CLCN7: variants seen among roughly 807,000 people sequenced by gnomAD.
CLCN7 encodes Cl-/H+ antiporter 7.
Under a neutral mutation model 102.1 loss-of-function variants are expected in CLCN7, and 60 were observed. The ratio of observed to expected loss-of-function variants is 0.59; its 90% CI spans 0.48 to 0.73. The LOEUF is 0.73. Among genes scored for constraint, CLCN7 ranks in the 30% least tolerant of loss-of-function variants. CLCN7 has a pLI of 0.00. For synonymous variants in CLCN7, 560 were observed against 490.5 expected, an observed-to-expected ratio of 1.14 and a Z score of -1.87; for missense variants, 962 against 1,125.7, an observed-to-expected ratio of 0.85 and a Z score of 2.08.
intron 19 of CLCN7, 44 bp downstream of exon 19, chr16:1,448,922 C>A: frequency 6.2e-7 from 1 of 1,609,720 alleles, no homozygotes; most frequent in Non-Finnish European, 8.5e-7. Flanking sequence ...TCCCCTATGG[C>A]AGCACCCACG....
chr16:1,448,290 G>C, intron 21 of CLCN7, 65 bp downstream of exon 21: 1 of 1,597,856 alleles, frequency 6.3e-7, no homozygotes, highest in Non-Finnish European at 8.6e-7. Context: ...CTTGCCGTGT[G>C]CTTCCCACCA....
Position 1,455,776 on chromosome 16 carries a change from C to T in CLCN7, c.936G>A (p.Leu312=). 6.2e-7 allele frequency: 1 copy of T among 1,613,670 alleles called. No individual in the cohort carries two copies. Among genetic ancestry groups the T allele is most frequent in the Non-Finnish European group, 8.5e-7 (1 of 1,180,022 alleles). ...GGTTCCAGAAGGACGCACCCTCCTC[C>T]AAGCTGAACAGGACCCCACCTGGAA... is the stretch of plus-strand genomic sequence containing the variant. ...GAPVGGVLFS[L]EEGASFWNQF... The change falls in exon 11 of 25, where the codon TTG becomes TTA. Residue 312 remains leucine (L), a synonymous_variant. Coordinates refer to ENST00000382745, the MANE Select transcript of CLCN7 (RefSeq NM_001287.6).
In CLCN7 at chr16:1,460,498, G is replaced by C. The variant is rs1567272107; in HGVS notation, c.514C>G (p.Leu172Val). 1 of 1,613,724 alleles carries C rather than the reference G, an allele frequency of 6.2e-7. No homozygotes were observed. Among genetic ancestry groups the C allele is most frequent in the Admixed American group, 1.7e-5 (1 of 60,032 alleles). The change falls in exon 6 of 25, where the codon CTG (leucine) becomes GTG (valine). Residue 172 changes from leucine (L) to valine (V), a missense_variant. By Grantham distance (32) the Leu-to-Val change is conservative (BLOSUM62 1). Around this residue, in one of 2 missense-constraint regions of CLCN7, gnomAD observed 799 missense variants for 988.0 expected, o/e 0.81. Coordinates refer to ENST00000382745, the MANE Select transcript of CLCN7 (RefSeq NM_001287.6). ...GCCCACAGCAACAGGGAGAAGGACA[G>C]TCCGCCCTTCTCTGTGAACTTGTCG... ...NIDKFTEKGG[L>V]SFSLLLWATL...
intron 4 of CLCN7, among the ~76,000 whole-genome samples, chr16:1,461,170 C>G (rs1007297973): frequency 6.6e-6 from 1 of 152,256 alleles, no homozygotes; most frequent in African/African-American, 2.4e-5. Flanking sequence ...ACTTCACAGC[C>G]AGCGGTTGTT....
chr16:1,453,013 G>GT, intron 14 of CLCN7, 120 bp from the exon 15 acceptor site: 26 of 1,417,436 alleles, frequency 1.8e-5, no homozygotes, highest in Middle Eastern at 1.9e-4. Flanking sequence ...TTGTTTGTTT[G>GT]TTTTTGTTTT....
chr16:1,457,589 T>C lies in CLCN7; in HGVS notation c.738+105A>G. The C allele has an allele frequency of 8.6e-7, 1 of 1,166,894 alleles. No individual in the cohort carries two copies. Among genetic ancestry groups the C allele is most frequent in the East Asian group, 2.4e-5 (1 of 40,956 alleles). 72.3% of individuals were successfully genotyped at this position (1,166,894 alleles called of 1,614,324 possible). ...GAGACACGCGTGACGCGGCCCTTCC[T>C]GGAGACCAGAAGGACCGGTGCTCAG... On this transcript the variant is annotated intron_variant, in intron 8 of 24. Transcript: ENST00000382745. The surrounding 1 kb of genome is among the most constrained non-coding windows in gnomAD (Gnocchi z 5.4).
At position 1,457,869 on chromosome 16, in the gene CLCN7, G is replaced by T; in HGVS notation, c.676-113C>A. On this transcript the variant is annotated intron_variant, in intron 7 of 24. Transcript: ENST00000382745. The surrounding 1 kb of genome is among the most constrained non-coding windows in gnomAD (Gnocchi z 5.4). ...TCAGGCAGAGTGGCTGGGACACGGG[G>T]CCTCCGGGAGGGGGCCAGCACCCCC... 1 of 1,066,078 alleles carries T rather than the reference G, an allele frequency of 9.4e-7. No individual in the cohort carries two copies. Among genetic ancestry groups the T allele is most frequent in the Non-Finnish European group, 1.4e-6 (1 of 703,956 alleles). The allele number at this position is 1,066,078 out of a possible 1,614,324, so 66.0% of individuals were successfully genotyped here. A position where few individuals can be genotyped will look rare whatever the true frequency, so the allele number is the denominator to read the frequency against.
rs2038833564 is a variant in CLCN7 at position 1,456,214 on chromosome 16, A to G, written c.823-8T>C. ...GCGGAAGTACTCGAAGATCTGCAAC[A>G]GGGACAGACCAGGGTCGGGGCAGGT... On this transcript the variant is annotated splice_polypyrimidine_tract_variant and splice_region_variant and intron_variant, in intron 9 of 24. Coordinates refer to ENST00000382745, the MANE Select transcript of CLCN7 (RefSeq NM_001287.6). The G allele has an allele frequency of 1.9e-6, 3 of 1,559,970 alleles. No individual in the cohort carries two copies. The highest frequency in any genetic ancestry group is 2.7e-5 in the African/African-American group (2 of 73,490).
In CLCN7 at chr16:1,456,813, C is replaced by G. The variant is rs376392686; in HGVS notation, c.822+441G>C. Among the ~76,000 whole-genome samples the G allele has an allele frequency of 1.1e-4, 16 of 151,004 alleles. No homozygotes were observed. The East Asian group carries it at 2.7e-3, about 26-fold the overall frequency. ...CTGAGATTGTACCACTGCACTCCAG[C>G]CTGGGCAACAGAGAGACTCCATCTC... On this transcript the variant is annotated intron_variant, in intron 9 of 24. Coordinates refer to ENST00000382745, the MANE Select transcript of CLCN7 (RefSeq NM_001287.6).
chr16:1,448,955 C>A lies in CLCN7; in HGVS notation c.1797+11G>T. 1 of 1,612,170 alleles carries A rather than the reference C, an allele frequency of 6.2e-7. No homozygotes were observed. The highest frequency in any genetic ancestry group is 8.5e-7 in the Non-Finnish European group (1 of 1,179,974). On this transcript the variant is annotated intron_variant, in intron 19 of 24. Coordinates refer to ENST00000382745, the MANE Select transcript of CLCN7 (RefSeq NM_001287.6). Reference sequence around the variant, plus strand: ...ACGCTCTCAGGGTGAGGCTTCGAGGCCCTGGCGCACCTCAATGAAGACGTC... The same window carrying A: ...ACGCTCTCAGGGTGAGGCTTCGAGGACCTGGCGCACCTCAATGAAGACGTC...
chr16:1,452,735 G>A lies in CLCN7; in HGVS notation c.1353+20C>T, dbSNP rs760335394. The A allele has an allele frequency of 1.7e-5, 27 of 1,574,238 alleles. No homozygotes were observed. Among genetic ancestry groups the A allele is most frequent in the Middle Eastern group, 1.7e-4 (1 of 6,020 alleles). On this transcript the variant is annotated intron_variant, in intron 15 of 24. Transcript: ENST00000382745. ...GTGGCTGCCCTGCCTGCTGGACCCC[G>A]CCCGGGCCCAGCCTCCCACCTGCAG...
intron 7 of CLCN7, among the ~76,000 whole-genome samples, chr16:1,458,398 G>A (rs1354703429): frequency 6.6e-6 from 1 of 152,268 alleles, no homozygotes; most frequent in Non-Finnish European, 1.5e-5. Context: ...ATCCAAGAAG[G>A]TTCAGGCCAG....
At position 1,461,452 on chromosome 16, in the gene CLCN7, T is replaced by C; in HGVS notation, c.304A>G (p.Ser102Gly). Residue 102 changes from serine to glycine, a missense_variant, in exon 4 of 25, where the codon AGT becomes GGT. This residue lies in a region of CLCN7 where 799 missense variants were observed against 988.0 expected (regional missense o/e 0.81). Transcript: ENST00000382745. The part of the protein sequence containing the change: ...LKYESLDYDN[S>G]ENQLFLEEER... The stretch of plus-strand genomic sequence containing the variant: ...TCCTCCAGGAACAGCTGGTTCTCAC[T>C]GTTGTCATAGTCCAAGCTCTGCAGG... The C allele has an allele frequency of 6.4e-7, 1 of 1,566,404 alleles. No homozygotes were observed. Among genetic ancestry groups the C allele is most frequent in the Non-Finnish European group, 8.6e-7 (1 of 1,156,190 alleles).
chr16:1,474,275 A>G, intron 1 of CLCN7: 1 of 449,862 alleles, frequency 2.2e-6, no homozygotes, highest in Non-Finnish European at 4.5e-6. Flanking sequence ...GAGACTGAGT[A>G]CAAATACTCG....
At position 1,447,492 on chromosome 16, in the gene CLCN7, C is replaced by T. The variant is rs886051699; in HGVS notation, c.2150G>A (p.Arg717His). Reference protein sequence around the residue: ...RLKDFRDAYPRFPPIQSIHVS... With the variant: ...RLKDFRDAYPHFPPIQSIHVS... ...GTGGATGGACTGGATGGGTGGGAAGCGCGGGTAGGCGTCTCGGAAGTCCTT... is the reference window on the plus strand; with the variant it reads ...GTGGATGGACTGGATGGGTGGGAAGTGCGGGTAGGCGTCTCGGAAGTCCTT... Residue 717 changes from arginine (R) to histidine (H), a missense_variant, in exon 23 of 25, where the codon CGC becomes CAC. Coordinates refer to ENST00000382745, the MANE Select transcript of CLCN7 (RefSeq NM_001287.6). 4 of 1,553,150 alleles carry T rather than the reference C, an allele frequency of 2.6e-6. No homozygotes were observed. The highest frequency in any genetic ancestry group is 2.4e-5 in the East Asian group (1 of 41,068).
intron 16 of CLCN7, 25 bp downstream of exon 16, chr16:1,451,598 G>T (rs1355749953): frequency 1.3e-6 from 2 of 1,598,120 alleles, no homozygotes; most frequent in African/African-American, 1.3e-5. Flanking sequence ...CCCAGGGCCT[G>T]CCCAGCGGCA....
At chr16:1,466,285 G>A (rs766184923) in intron 1 of CLCN7, among the ~76,000 whole-genome samples, 14 of 152,160 alleles carry the variant, frequency 9.2e-5, no homozygotes, top group Admixed American at 2.0e-4. Flanking sequence ...GGCCCCCAAC[G>A]CCGTCCCCTC....
chr16:1,459,909 A>G (rs1429832239), intron 6 of CLCN7, among the ~76,000 whole-genome samples: 1 of 102,686 alleles, frequency 9.7e-6, no homozygotes, highest in African/African-American at 4.1e-5. Flanking sequence ...GGAAGGGGAG[A>G]GCAGCACACA....
At position 1,448,344 on chromosome 16, in the gene CLCN7, G is replaced by T; in HGVS notation, c.2013+11C>A. On this transcript the variant is annotated intron_variant, in intron 21 of 24. Coordinates refer to ENST00000382745, the MANE Select transcript of CLCN7 (RefSeq NM_001287.6). ...ACATAGGCAGGACCCTGTCTATGGG[G>T]TGCCCGGTACCTGGGTGTCATCGGC... is the stretch of plus-strand genomic sequence containing the variant. 6.2e-7 allele frequency: 1 copy of T among 1,612,682 alleles called. No individual in the cohort carries two copies.
Sources: allele counts gnomAD v4.1 joint callset (sites outside exome capture counted in the v4.1 genomes callset), GRCh38; gene constraint gnomAD v4.1.1; regional missense constraint gnomAD v4.1.1; non-coding constraint Gnocchi (gnomAD v3.1); transcripts MANE v1.5; gene names NCBI Gene and HGNC (gene_info 2026-07-23, HGNC 2026-07-21).